PHIP: variants seen among roughly 807,000 people sequenced by gnomAD.
PHIP encodes the protein PH-interacting protein.
PHIP carries 54 observed loss-of-function variants against 236.8 expected under a neutral mutation model. The observed-to-expected ratio is 0.23, with a 90% CI of 0.18 to 0.29. The LOEUF is 0.29. Ranked by LOEUF, PHIP falls within the 10% of genes least tolerant of loss-of-function variation. The pLI is 1.00. For missense variants in PHIP, 1,370 were observed against 2,190.8 expected (o/e 0.63, Z 7.48); for synonymous variants, 756 against 718.9 (o/e 1.05, Z -0.83).
chr6:78,998,377 A>G lies in PHIP; in HGVS notation c.1894T>C (p.Leu632=). The part of the protein sequence containing the change: ...GVTSSGLNQV[L]SQQANQEISP... Reference sequence around the variant, plus strand: ...ATCTCCTGGTTTGCTTGCTGACTTAAAACTTGATTCAGTCCTATACAATAC... The same window carrying G: ...ATCTCCTGGTTTGCTTGCTGACTTAGAACTTGATTCAGTCCTATACAATAC... Residue 632 remains leucine (L), a synonymous_variant, in exon 18 of 40, where the codon TTA becomes CTA. Transcript: ENST00000275034. 6.2e-7 allele frequency: 1 copy of G among 1,613,762 alleles called. No homozygotes were observed. Among genetic ancestry groups the G allele is most frequent in the Non-Finnish European group, 8.5e-7 (1 of 1,179,746 alleles).
intron 6 of PHIP, among the ~76,000 whole-genome samples, chr6:79,054,229 T>C (rs1772950800): frequency 6.7e-6 from 1 of 149,778 alleles, no homozygotes; most frequent in Admixed American, 6.7e-5. Context: ...AGAAAATAGT[T>C]AATAAAACAA....
chr6:79,060,807 G>A lies in PHIP; in HGVS notation c.201C>T (p.Tyr67=). The A allele has an allele frequency of 1.2e-6, 2 of 1,602,296 alleles. No individual in the cohort carries two copies. The highest frequency in any genetic ancestry group is 1.1e-5 in the South Asian group (1 of 89,650). The change falls in exon 5 of 40, where the codon TAC becomes TAT. Residue 67 remains tyrosine, a synonymous_variant. Coordinates refer to ENST00000275034, the MANE Select transcript of PHIP (RefSeq NM_017934.7). ...GCAAGTGATCAGGTGCTAAGTGTCT[G>A]TAATACTTCACCTATTATGTAAAAG... The part of the protein sequence containing the change: ...PRTYQNLVKY[Y]RHLAPDHLLQ...
intron 6 of PHIP, among the ~76,000 whole-genome samples, chr6:79,049,802 T>C (rs944691425): frequency 6.6e-6 from 1 of 152,146 alleles, no homozygotes; most frequent in African/African-American, 2.4e-5. Context: ...TCCAAGTTCA[T>C]TAGTTCATTA....
intron 4 of PHIP, among the ~76,000 whole-genome samples, chr6:79,074,691 A>C (rs573463386): frequency 6.6e-6 from 1 of 152,240 alleles, no homozygotes; most frequent in East Asian, 1.9e-4. Flanking sequence ...AGACAGAAAC[A>C]ACCATAAGAT....
chr6:78,979,057 T>G (rs1228132222), intron 23 of PHIP, among the ~76,000 whole-genome samples: 1 of 152,138 alleles, frequency 6.6e-6, no homozygotes, highest in East Asian at 1.9e-4. Flanking sequence ...TAGGAGACTG[T>G]GTGTAGGTCA....
At chr6:79,061,145 CA>C (rs1562218215) in intron 4 of PHIP, among the ~76,000 whole-genome samples, 1 of 152,114 alleles carries the variant, frequency 6.6e-6, no homozygotes, top group Non-Finnish European at 1.5e-5. Context: ...GGAACAACTT[CA>C]AAATACTGCT....
intron 7 of PHIP, among the ~76,000 whole-genome samples, chr6:79,026,438 T>C (rs1258856550): frequency 7.0e-6 from 1 of 142,328 alleles, no homozygotes; most frequent in East Asian, 2.1e-4. Context: ...TCAATGTGGA[T>C]TTCTGTAAAA....
In PHIP at chr6:79,056,876, CAAT is replaced by C. The variant is rs1773102339; in HGVS notation, c.439+3599_439+3601del. Among the ~76,000 whole-genome samples, 8 of 152,166 alleles carry C rather than the reference CAAT, an allele frequency of 5.3e-5. No homozygotes were observed. The South Asian group carries it at 1.4e-3, about 28-fold the overall frequency. On this transcript the variant is annotated intron_variant, in intron 6 of 39. Transcript: ENST00000275034. The stretch of plus-strand genomic sequence containing the variant: ...AGTGCCAGATATAATTAGAGATATA[CAAT>C]ATTTACTCAGCGAGTGAATGAATAA...
intron 6 of PHIP, among the ~76,000 whole-genome samples, chr6:79,059,225 T>C (rs991793503): frequency 4.6e-5 from 7 of 151,916 alleles, no homozygotes; most frequent in East Asian, 1.9e-4. Flanking sequence ...TTAAGTCCCA[T>C]AGGAAAGGAG....
chr6:79,017,030 G>A (rs1050901920), intron 12 of PHIP, among the ~76,000 whole-genome samples: 14 of 151,744 alleles, frequency 9.2e-5, no homozygotes, highest in African/African-American at 3.1e-4. Flanking sequence ...CAATAAACAG[G>A]TCTGCCTTAA....
At chr6:79,035,297 T>C (rs909047446) in intron 7 of PHIP, among the ~76,000 whole-genome samples, 1 of 152,130 alleles carries the variant, frequency 6.6e-6, no homozygotes, top group Non-Finnish European at 1.5e-5. Flanking sequence ...ATATAAAGCT[T>C]TTCTTTTCTC....
chr6:78,985,555 G>C (rs939391419), intron 21 of PHIP, 127 bp from the exon 22 acceptor site: 6 of 691,010 alleles, frequency 8.7e-6, no homozygotes, highest in Admixed American at 8.3e-5. Context: ...ATTTAAATTA[G>C]TTGCAAAGGG....
intron 36 of PHIP, among the ~76,000 whole-genome samples, 159 bp downstream of exon 36, chr6:78,947,464 G>A (rs1773889337): frequency 6.6e-6 from 1 of 152,160 alleles, no homozygotes; most frequent in Non-Finnish European, 1.5e-5. Flanking sequence ...CATACAAGGA[G>A]CTGAGTAGAA....
At chr6:79,025,750 A>G in intron 8 of PHIP, 131 bp from the exon 9 acceptor site, 1 of 714,000 alleles carries the variant, frequency 1.4e-6, no homozygotes, top group Admixed American at 2.7e-5. Context: ...AGGTTATGTT[A>G]TTTAAAGTCC....
Position 78,934,550 on chromosome 6 carries a change from T to G in PHIP, c.*6143A>C, listed in dbSNP as rs1562104525. ...CTAAGGGTTCAGAAAACCTCACACT[T>G]AACAACAATCAGGTCATGGCCGCAA... On this transcript the variant is annotated 3_prime_UTR_variant, in exon 40 of 40. Coordinates refer to ENST00000275034, the MANE Select transcript of PHIP (RefSeq NM_017934.7). Among the ~76,000 whole-genome samples the G allele has an allele frequency of 6.6e-6, 1 of 152,104 alleles. No homozygotes were observed. Among genetic ancestry groups the G allele is most frequent in the African/African-American group, 2.4e-5 (1 of 41,430 alleles).
rs1218259040 is a variant in PHIP at position 79,001,940 on chromosome 6, C to T, written c.1838G>A (p.Arg613Lys). 5 of 1,612,968 alleles carry T rather than the reference C, an allele frequency of 3.1e-6. No homozygotes were observed. Among genetic ancestry groups the T allele is most frequent in the Non-Finnish European group, 4.2e-6 (5 of 1,179,350 alleles). Reference sequence around the variant, plus strand: ...CATCTGAGGGATGAGTTGCTCCTCCCTGCAATTTTCACGGCCAGGAACTAA... The same window carrying T: ...CATCTGAGGGATGAGTTGCTCCTCCTTGCAATTTTCACGGCCAGGAACTAA... ...QRLVPGRENC[R>K]EEQLIPQMGV... Residue 613 changes from arginine (R) to lysine (K), a missense_variant, in exon 17 of 40, where the codon AGG (arginine) becomes AAG (lysine). By Grantham distance (26) the Arg-to-Lys change is conservative. Coordinates refer to ENST00000275034, the MANE Select transcript of PHIP (RefSeq NM_017934.7).
At chr6:78,960,913 C>T (rs1382551151) in intron 31 of PHIP, among the ~76,000 whole-genome samples, 10 of 151,904 alleles carry the variant, frequency 6.6e-5, no homozygotes, top group Admixed American at 6.6e-5. Context: ...AGAAGAATAA[C>T]GGAAAGGACT....
At chr6:79,077,634 CGGCGGCGCAGCGGCCCAGA>C in intron 3 of PHIP, 47 bp downstream of exon 3, 1 of 909,826 alleles carries the variant, frequency 1.1e-6, no homozygotes, top group Non-Finnish European at 1.3e-6. Context: ...GCGGCGGCAG[CGGCGGCGCAGCGGCCCAGA>C]GGCGGCCGCG....
chr6:79,062,741 G>T (rs968570468), intron 4 of PHIP, among the ~76,000 whole-genome samples: 26 of 152,282 alleles, frequency 1.7e-4, no homozygotes, highest in Admixed American at 4.6e-4. Context: ...TCATTTTAAA[G>T]TTAGAAGAGA....
Sources: allele counts gnomAD v4.1 joint callset (sites outside exome capture counted in the v4.1 genomes callset), GRCh38; gene constraint gnomAD v4.1.1; transcripts MANE v1.5; gene names NCBI Gene and HGNC (gene_info 2026-07-23, HGNC 2026-07-21).